FARP1: variants seen among roughly 807,000 people sequenced by gnomAD.
FARP1 encodes the protein FERM, ARHGEF and pleckstrin domain-containing protein 1.
In FARP1, 52 loss-of-function variants were observed where a neutral mutation model predicts 128.8. The ratio of observed to expected loss-of-function variants is 0.40; its 90% CI spans 0.32 to 0.51. The LOEUF is 0.51. Ranked by LOEUF, FARP1 falls within the 20% of genes least tolerant of loss-of-function variation. The probability of loss-of-function intolerance (pLI) is 0.45; values close to 1 mark genes in which losing one functional copy is unlikely to be tolerated. For synonymous variants in FARP1, 580 were observed against 551.8 expected, an observed-to-expected ratio of 1.05 and a Z score of -0.72; for missense variants, 1,333 against 1,367.9, an observed-to-expected ratio of 0.97 and a Z score of 0.40.
chr13:98,298,518 A>T (rs1043120661), intron 2 of FARP1, among the ~76,000 whole-genome samples: 2 of 152,106 alleles, frequency 1.3e-5, no homozygotes, highest in African/African-American at 4.8e-5. Flanking sequence ...GGATGAAGCA[A>T]TCAGCTTAAT....
chr13:98,343,829 A>T lies in FARP1; in HGVS notation c.239A>T (p.Tyr80Phe). Residue 80 changes from tyrosine to phenylalanine, a missense_variant, in exon 3 of 27, where the codon TAT becomes TTT. By Grantham distance (22) the Tyr-to-Phe change is conservative. Coordinates refer to ENST00000319562, the MANE Select transcript of FARP1 (RefSeq NM_005766.4). ...CNHLNLVEGD[Y>F]FGLEFPDHKK... ...CACCTCAACCTCGTGGAAGGTGACT[A>T]TTTTGGCCTCGAGTTTCCTGATCAC... 1 of 1,613,986 alleles carries T rather than the reference A, an allele frequency of 6.2e-7. No homozygotes were observed. The highest frequency in any genetic ancestry group is 8.5e-7 in the Non-Finnish European group (1 of 1,179,860).
chr13:98,169,003 A>G (rs1482147654), intron 1 of FARP1, among the ~76,000 whole-genome samples: 2 of 152,178 alleles, frequency 1.3e-5, no homozygotes, highest in Admixed American at 6.5e-5. Flanking sequence ...ATAATGCCCT[A>G]TGATAGTTTT....
Position 98,298,130 on chromosome 13 carries a change from G to A in FARP1, c.172-45632G>A, listed in dbSNP as rs140433261. 4.9e-3 allele frequency among the ~76,000 whole-genome samples: 740 copies of A among 152,306 alleles called. 9 individuals are homozygous for A. Among genetic ancestry groups the A allele is most frequent in the African/African-American group, 0.016 (676 of 41,564 alleles). On this transcript the variant is annotated intron_variant, in intron 2 of 26. Coordinates refer to ENST00000319562, the MANE Select transcript of FARP1 (RefSeq NM_005766.4). ...CCCAAGCCCCAGAGCTGCGCAGCAC[G>A]GTGGCCCTGCGTGTGCTCTGCATAT...
In FARP1 at chr13:98,289,481, C is replaced by T. The variant is rs144127057; in HGVS notation, c.172-54281C>T. On this transcript the variant is annotated intron_variant, in intron 2 of 26. Coordinates refer to ENST00000319562, the MANE Select transcript of FARP1 (RefSeq NM_005766.4). ...ATGAAAAGCATTTATTTGAGCCATC[C>T]GCATGCAGTGAACAATCTGTAAAAT... Among the ~76,000 whole-genome samples the T allele has an allele frequency of 2.4e-3, 362 of 152,226 alleles. 2 individuals carry two copies. The highest frequency in any genetic ancestry group is 8.2e-3 in the African/African-American group (339 of 41,528).
At chr13:98,380,435 AAAAG>A (rs1889848071) in intron 6 of FARP1, among the ~76,000 whole-genome samples, 1 of 152,062 alleles carries the variant, frequency 6.6e-6, no homozygotes, top group African/African-American at 2.4e-5. Flanking sequence ...TAAAAAAAAA[AAAAG>A]AAGAAGAGTG....
intron 3 of FARP1, among the ~76,000 whole-genome samples, chr13:98,348,994 T>C (rs1303631672): frequency 1.3e-5 from 2 of 152,258 alleles, no homozygotes. Flanking sequence ...GTATGTCGCA[T>C]GTGGCTGCCT....
chr13:98,267,073 C>G (rs1005484037), intron 2 of FARP1, among the ~76,000 whole-genome samples: 46 of 149,882 alleles, frequency 3.1e-4, no homozygotes, highest in Non-Finnish European at 3.5e-4. Context: ...GTTATTATTT[C>G]ACCTAGGTGT....
At chr13:98,292,217 A>AGG (rs1464439100) in intron 2 of FARP1, among the ~76,000 whole-genome samples, 1 of 152,214 alleles carries the variant, frequency 6.6e-6, no homozygotes, top group East Asian at 1.9e-4. Context: ...TACAAGTTGG[A>AGG]GGGAGTGTAA....
intron 3 of FARP1, among the ~76,000 whole-genome samples, chr13:98,349,551 T>C (rs539249708): frequency 2.0e-5 from 3 of 151,790 alleles, no homozygotes; most frequent in African/African-American, 7.2e-5. Context: ...CGCGTCTATA[T>C]TCGCAGTTAC....
chr13:98,361,719 C>T (rs1450715592), intron 3 of FARP1, among the ~76,000 whole-genome samples: 1 of 152,170 alleles, frequency 6.6e-6, no homozygotes, highest in Non-Finnish European at 1.5e-5. Context: ...GAAAGGTGAA[C>T]CTCCTTCAAT....
At chr13:98,394,886 C>T (rs564070481) in intron 12 of FARP1, among the ~76,000 whole-genome samples, 2 of 152,332 alleles carry the variant, frequency 1.3e-5, no homozygotes, top group East Asian at 3.9e-4. Flanking sequence ...GGTTGCAGCA[C>T]TGCACTCCAG....
Position 98,448,988 on chromosome 13 carries a change from C to A in FARP1, c.*671C>A, listed in dbSNP as rs988674810. 1.3e-5 allele frequency: 2 copies of A among 152,212 alleles called. No homozygotes were observed. The highest frequency in any genetic ancestry group is 4.8e-5 in the African/African-American group (2 of 41,414). The allele number at this position is 152,212 out of a possible 1,614,324, so 9.4% of individuals were successfully genotyped here. On this transcript the variant is annotated 3_prime_UTR_variant, in exon 27 of 27. Coordinates refer to ENST00000319562, the MANE Select transcript of FARP1 (RefSeq NM_005766.4). ...AAATCGTTTTAAGTGGTAACTCTTT[C>A]CAACCGTAGCAGGGTTGTTTTCTGT...
intron 1 of FARP1, among the ~76,000 whole-genome samples, chr13:98,190,989 C>G (rs1879192238): frequency 6.6e-6 from 1 of 152,142 alleles, no homozygotes; most frequent in South Asian, 2.1e-4. Context: ...CTTATCATCT[C>G]CCCCGGTCCT....
chr13:98,190,313 T>C (rs955605933), intron 1 of FARP1, among the ~76,000 whole-genome samples: 2 of 152,190 alleles, frequency 1.3e-5, no homozygotes, highest in African/African-American at 4.8e-5. Context: ...ACCACCAGGG[T>C]AAATGGTAAA....
At chr13:98,221,764 AC>A (rs1170150266) in intron 2 of FARP1, among the ~76,000 whole-genome samples, 1 of 152,104 alleles carries the variant, frequency 6.6e-6, no homozygotes, top group Non-Finnish European at 1.5e-5. Flanking sequence ...TCTACCATGG[AC>A]TGGATGAATG....
chr13:98,209,087 T>C (rs1405030554), intron 1 of FARP1, among the ~76,000 whole-genome samples: 6 of 152,082 alleles, frequency 3.9e-5, no homozygotes, highest in Admixed American at 1.3e-4. Flanking sequence ...CGGCTCACTG[T>C]AAGCTCCGCC....
At chr13:98,252,565 A>G (rs1594323612) in intron 2 of FARP1, among the ~76,000 whole-genome samples, 1 of 152,302 alleles carries the variant, frequency 6.6e-6, no homozygotes, top group East Asian at 1.9e-4. Context: ...GTCTGGCTTG[A>G]CCCTCATGGA....
chr13:98,391,471 A>G (rs571244536), intron 11 of FARP1, among the ~76,000 whole-genome samples: 3 of 152,220 alleles, frequency 2.0e-5, no homozygotes, highest in South Asian at 2.1e-4. Flanking sequence ...GGGTCTGCCT[A>G]TGTTGCCAGG....
intron 12 of FARP1, 33 bp downstream of exon 12, chr13:98,393,751 C>T: frequency 6.6e-7 from 1 of 1,526,574 alleles, no homozygotes; most frequent in Non-Finnish European, 9.1e-7. Context: ...GATAACTCTG[C>T]TTTTCCCCAC....
Sources: allele counts gnomAD v4.1 joint callset (sites outside exome capture counted in the v4.1 genomes callset), GRCh38; gene constraint gnomAD v4.1.1; transcripts MANE v1.5; gene names NCBI Gene and HGNC (gene_info 2026-07-23, HGNC 2026-07-21).